Variants in GNA12 observed in about 807,000 individuals in gnomAD.
GNA12 encodes the protein guanine nucleotide-binding protein subunit alpha-12.
GNA12 carries 9 observed loss-of-function variants against 26.0 expected under a neutral mutation model. The observed-to-expected ratio is 0.35, with a 90% CI of 0.21 to 0.60. GNA12 has a LOEUF of 0.60. Among genes scored for constraint, GNA12 ranks in the 20% least tolerant of loss-of-function variants. The pLI is 0.78. For missense variants in GNA12, 405 were observed against 525.8 expected (o/e 0.77, Z 2.25); for synonymous variants, 264 against 219.6 (o/e 1.20, Z -1.79).
rs560360799 is a variant in GNA12, at chr7:2,746,832, G to T, written c.526-13331C>A. ...ATAGATGCAATAAAAAATGATAAAGGGGATATCATCACCAATCCCACAGAA... is the reference window on the plus strand; with the variant it reads ...ATAGATGCAATAAAAAATGATAAAGTGGATATCATCACCAATCCCACAGAA... On this transcript the variant is annotated intron_variant, in intron 2 of 3. Transcript: ENST00000275364. Among the ~76,000 whole-genome samples, 1,410 of 152,042 alleles carry T rather than the reference G, an allele frequency of 9.3e-3. 26 individuals are homozygous for T. Among genetic ancestry groups the T allele is most frequent in the Non-Finnish European group, 0.011 (729 of 67,986 alleles).
chr7:2,757,747 G>A (rs574030032), intron 2 of GNA12, among the ~76,000 whole-genome samples: 1 of 152,310 alleles, frequency 6.6e-6, no homozygotes, highest in Admixed American at 6.5e-5. Context: ...AAGCATAAAG[G>A]AAAATGTCAT....
At chr7:2,816,197 C>T (rs976876058) in intron 1 of GNA12, among the ~76,000 whole-genome samples, 8 of 151,686 alleles carry the variant, frequency 5.3e-5, no homozygotes, top group African/African-American at 1.9e-4. Context: ...CAGATCTTCA[C>T]GCACCCCCAT....
intron 1 of GNA12, among the ~76,000 whole-genome samples, chr7:2,827,614 G>A (rs1359214786): frequency 2.0e-5 from 3 of 152,190 alleles, no homozygotes; most frequent in Non-Finnish European, 2.9e-5. Flanking sequence ...TGGTCCGTGA[G>A]CAGTGCAGAG....
chr7:2,754,738 G>C (rs966941977), intron 2 of GNA12, among the ~76,000 whole-genome samples: 1 of 152,198 alleles, frequency 6.6e-6, no homozygotes, highest in African/African-American at 2.4e-5. Flanking sequence ...AACAGAGTGA[G>C]ACCCTGCCTC....
chr7:2,758,933 G>A (rs1416401701), intron 2 of GNA12, among the ~76,000 whole-genome samples: 2 of 152,188 alleles, frequency 1.3e-5, no homozygotes, highest in Admixed American at 6.5e-5. Flanking sequence ...CTGAGGTCAG[G>A]AGTTCGAGAC....
At chr7:2,833,779 G>A (rs1215998013) in intron 1 of GNA12, among the ~76,000 whole-genome samples, 2 of 151,920 alleles carry the variant, frequency 1.3e-5, no homozygotes, top group Non-Finnish European at 1.5e-5. Flanking sequence ...TGCTTCTGCC[G>A]CCACGCAAAC....
intron 2 of GNA12, among the ~76,000 whole-genome samples, chr7:2,772,050 G>A (rs1035113387): frequency 6.6e-6 from 1 of 152,190 alleles, no homozygotes; most frequent in Non-Finnish European, 1.5e-5. Context: ...ATCTTTTCAT[G>A]TGTTATTTGC....
Position 2,811,426 on chromosome 7 carries a change from C to CA in GNA12, c.310-16284dup, listed in dbSNP as rs558008652. ...CAGCCTTGGCAGAGAAAGCCCAGAA[C>CA]AACCAGGGTGCTCACATGTTCCAGA... On this transcript the variant is annotated intron_variant, in intron 1 of 3. Coordinates refer to ENST00000275364, the MANE Select transcript of GNA12 (RefSeq NM_007353.3). Among the ~76,000 whole-genome samples, 22 of 152,322 alleles carry CA rather than the reference C, an allele frequency of 1.4e-4. No homozygotes were observed. The South Asian group carries it at 4.2e-3, about 29-fold the overall frequency.
rs1342312671 is a variant in GNA12, at chr7:2,815,022, A to T, written c.310-19879T>A. On this transcript the variant is annotated intron_variant, in intron 1 of 3. Transcript: ENST00000275364. ...AGGTCTAATCTCGCCCCTTCCACCC[A>T]ATCCAGTCCCCTGTCAAAGCCACCA... 36 of 1,514,094 alleles carry T rather than the reference A, an allele frequency of 2.4e-5. 1 individual carries two copies. The highest frequency in any genetic ancestry group is 1.8e-4 in the South Asian group (14 of 79,550). The allele number at this position is 1,514,094 out of a possible 1,614,324, so 93.8% of individuals were successfully genotyped here. A position where few individuals can be genotyped will look rare whatever the true frequency, so the allele number is the denominator to read the frequency against.
At chr7:2,834,685 G>A (rs1778778812) in intron 1 of GNA12, among the ~76,000 whole-genome samples, 1 of 152,158 alleles carries the variant, frequency 6.6e-6, no homozygotes, top group African/African-American at 2.4e-5. Context: ...CATATACGAT[G>A]GTGGTCCCAT....
chr7:2,823,809 T>A (rs2158694), intron 1 of GNA12, among the ~76,000 whole-genome samples: 1 of 152,046 alleles, frequency 6.6e-6, no homozygotes, highest in Non-Finnish European at 1.5e-5. Context: ...AGAATAAAGA[T>A]CATGCAGTAA....
chr7:2,806,787 C>T (rs933458299), intron 1 of GNA12, among the ~76,000 whole-genome samples: 2 of 152,172 alleles, frequency 1.3e-5, no homozygotes, highest in African/African-American at 4.8e-5. Flanking sequence ...GAGGTAATCC[C>T]TATGGCTGGA....
chr7:2,840,916 C>T (rs192055662), intron 1 of GNA12, among the ~76,000 whole-genome samples: 334 of 151,186 alleles, frequency 2.2e-3, no homozygotes, highest in African/African-American at 8.0e-3. Flanking sequence ...AATAAAAATG[C>T]GGGGGTGGGG....
chr7:2,810,827 G>C (rs373984851), intron 1 of GNA12, among the ~76,000 whole-genome samples: 5 of 152,126 alleles, frequency 3.3e-5, no homozygotes, highest in Admixed American at 6.5e-5. Flanking sequence ...GAACCCAGGA[G>C]GCAAAGGTTG....
chr7:2,832,555 G>C (rs1316499216), intron 1 of GNA12, among the ~76,000 whole-genome samples: 1 of 152,106 alleles, frequency 6.6e-6, no homozygotes, highest in East Asian at 1.9e-4. Context: ...TGTTCCTCGG[G>C]CTTAGTTTCT....
intron 2 of GNA12, chr7:2,763,276 T>A (rs1791661072): frequency 4.2e-6 from 1 of 238,234 alleles, no homozygotes; most frequent in African/African-American, 2.4e-5. Flanking sequence ...CCCAGGCCCG[T>A]GGGAGGAGTG....
At chr7:2,745,407 T>A (rs1163341150) in intron 2 of GNA12, among the ~76,000 whole-genome samples, 2 of 152,182 alleles carry the variant, frequency 1.3e-5, no homozygotes, top group Non-Finnish European at 2.9e-5. Flanking sequence ...GAATTTCATA[T>A]CCAGCCAAAC....
chr7:2,741,165 T>C (rs572097286), intron 2 of GNA12, among the ~76,000 whole-genome samples: 26 of 152,350 alleles, frequency 1.7e-4, no homozygotes, highest in Admixed American at 3.3e-4. Flanking sequence ...TTTTACAGTA[T>C]GTTTTAAGGT....
intron 2 of GNA12, among the ~76,000 whole-genome samples, chr7:2,747,746 C>G (rs149041923): frequency 6.6e-6 from 1 of 152,072 alleles, no homozygotes; most frequent in Non-Finnish European, 1.5e-5. Flanking sequence ...TGTTTGCAGA[C>G]GACATGATTG....
Sources: gnomAD v4.1 joint callset for allele counts (sites outside exome capture counted in the v4.1 genomes callset) on GRCh38, gnomAD v4.1.1 for gene constraint, MANE v1.5 for transcripts, NCBI Gene and HGNC (gene_info 2026-07-23, HGNC 2026-07-21) for gene names.